The following PCDHA3 variants were observed in gnomAD, a reference collection of about 807,000 sequenced individuals.
PCDHA3 encodes the protein protocadherin alpha 3.
In PCDHA3, 41 loss-of-function variants were observed where a neutral mutation model predicts 62.2. That is an observed-to-expected ratio of 0.66 (90% CI 0.51 to 0.86). The LOEUF is 0.86. PCDHA3 is among the 40% of genes least tolerant of loss of function. The pLI, the probability that PCDHA3 is intolerant of heterozygous loss-of-function variation, is 0.00. For missense variants in PCDHA3, 1,304 were observed against 1,241.2 expected, an observed-to-expected ratio of 1.05 and a Z score of -0.76; for synonymous variants, 640 against 555.4, an observed-to-expected ratio of 1.15 and a Z score of -2.14.
At chr5:140,910,357 T>C (rs1394310433) in intron 1 of PCDHA3, among the ~76,000 whole-genome samples, 3 of 152,226 alleles carry the variant, frequency 2.0e-5, no homozygotes, top group African/African-American at 7.2e-5. Flanking sequence ...CTGTCCATTA[T>C]GGTAGCTATG....
At chr5:140,870,456 G>A (rs782212198) in intron 1 of PCDHA3, 15 of 1,614,110 alleles carry the variant, frequency 9.3e-6, no homozygotes, top group South Asian at 5.5e-5. Flanking sequence ...ACGACAATGC[G>A]CCTGCGTTCG....
intron 1 of PCDHA3, chr5:140,928,095 G>A (rs782045221): frequency 6.2e-7 from 1 of 1,614,190 alleles, no homozygotes; most frequent in African/African-American, 1.3e-5. Flanking sequence ...TGATTGATGG[G>A]CCCCTGGACC....
intron 1 of PCDHA3, among the ~76,000 whole-genome samples, chr5:140,904,121 T>G (rs1554191284): frequency 6.6e-6 from 1 of 152,194 alleles, no homozygotes; most frequent in Non-Finnish European, 1.5e-5. Flanking sequence ...GAGATTTTGG[T>G]GCACCCATCA....
chr5:141,000,345 C>A (rs1395527046), intron 3 of PCDHA3, among the ~76,000 whole-genome samples: 7 of 116,650 alleles, frequency 6.0e-5, no homozygotes, highest in African/African-American at 2.4e-4. Context: ...CCCTATCTCT[C>A]TCTCTGTCTC....
intron 1 of PCDHA3, among the ~76,000 whole-genome samples, chr5:140,873,086 C>A (rs984385666): frequency 1.3e-5 from 2 of 152,240 alleles, no homozygotes; most frequent in African/African-American, 2.4e-5. Flanking sequence ...ATTTCCCCCC[C>A]GTATAGAGGC....
intron 3 of PCDHA3, among the ~76,000 whole-genome samples, chr5:140,985,892 A>G (rs2097176300): frequency 1.3e-5 from 2 of 151,830 alleles, no homozygotes; most frequent in Non-Finnish European, 2.9e-5. Flanking sequence ...GGCGCCCGCC[A>G]CCACTCCCGT....
chr5:140,822,446 C>T, intron 1 of PCDHA3: 1 of 1,613,574 alleles, frequency 6.2e-7, no homozygotes. Flanking sequence ...CTAACAGGTA[C>T]AGTTCAGTTG....
intron 1 of PCDHA3, among the ~76,000 whole-genome samples, chr5:140,971,541 G>A (rs544682624): frequency 6.6e-6 from 1 of 152,172 alleles, no homozygotes; most frequent in Non-Finnish European, 1.5e-5. Context: ...ATCATTGCCA[G>A]ATCAACCTGT....
At chr5:140,954,149 G>A (rs1301810560) in intron 1 of PCDHA3, among the ~76,000 whole-genome samples, 2 of 152,204 alleles carry the variant, frequency 1.3e-5, no homozygotes, top group Non-Finnish European at 2.9e-5. Flanking sequence ...ATTCCATGGT[G>A]TATATGTACC....
chr5:140,830,218 C>A, intron 1 of PCDHA3: 2 of 1,613,882 alleles, frequency 1.2e-6, no homozygotes, highest in Non-Finnish European at 1.7e-6. Context: ...CGGTATCCAG[C>A]CTGCTGGTCC....
chr5:140,854,975 ATT>A (rs1554147536), intron 1 of PCDHA3, among the ~76,000 whole-genome samples: 1 of 149,964 alleles, frequency 6.7e-6, no homozygotes, highest in Non-Finnish European at 1.5e-5. Context: ...CAGAATTATA[ATT>A]AAGATTCTTT....
In PCDHA3 at chr5:140,852,902, A is replaced by ATG. The variant is rs1554146177; in HGVS notation, c.2394+49311_2394+49312insTG. The stretch of plus-strand genomic sequence containing the variant: ...TAAAACGTATTTTTTTTTTTGAGTC[A>ATG]GAGTCTCGCTCTGTTGCCCAGGCTG... On this transcript the variant is annotated intron_variant, in intron 1 of 3. Transcript: ENST00000522353. 5.3e-4 allele frequency: 438 copies of ATG among 830,724 alleles called. 11 individuals carry two copies. In the South Asian group the frequency reaches 0.021, roughly 39 times the overall value. 51.5% of individuals were successfully genotyped at this position (830,724 alleles called of 1,614,324 possible).
Position 140,857,291 on chromosome 5 carries a change from G to A in PCDHA3, c.2394+53700G>A. 7 of 1,598,730 alleles carry A rather than the reference G, an allele frequency of 4.4e-6. 1 individual carries two copies. Among genetic ancestry groups the A allele is most frequent in the East Asian group, 4.5e-5 (2 of 44,850 alleles). On this transcript the variant is annotated intron_variant, in intron 1 of 3. Transcript: ENST00000522353. ...GGTGCTGGACAGCGCTCTGGACCGC[G>A]AGAGGGTGTCGGCCTATGAGCTGGT...
At chr5:140,983,226 T>C (rs892083218) in intron 3 of PCDHA3, among the ~76,000 whole-genome samples, 1 of 152,216 alleles carries the variant, frequency 6.6e-6, no homozygotes, top group Non-Finnish European at 1.5e-5. Context: ...ATCCAAACTT[T>C]CAGGAAAGAG....
chr5:140,898,965 G>T (rs2067069000), intron 1 of PCDHA3, among the ~76,000 whole-genome samples: 1 of 152,044 alleles, frequency 6.6e-6, no homozygotes, highest in Non-Finnish European at 1.5e-5. Flanking sequence ...GTGAATGGGA[G>T]TTCACTCATG....
intron 1 of PCDHA3, among the ~76,000 whole-genome samples, chr5:140,938,974 G>T (rs534312375): frequency 6.6e-6 from 1 of 152,230 alleles, no homozygotes; most frequent in Non-Finnish European, 1.5e-5. Context: ...TGGCATCAAG[G>T]CTATCCTGGC....
At chr5:140,949,603 A>G (rs1218724530) in intron 1 of PCDHA3, among the ~76,000 whole-genome samples, 3 of 151,662 alleles carry the variant, frequency 2.0e-5, no homozygotes, top group Non-Finnish European at 4.4e-5. Flanking sequence ...TGGCCATTCT[A>G]GTCTCATGTT....
chr5:140,806,258 A>G (rs570668849), intron 1 of PCDHA3, among the ~76,000 whole-genome samples: 1 of 152,350 alleles, frequency 6.6e-6, no homozygotes, highest in South Asian at 2.1e-4. Context: ...TATTGGAAGC[A>G]GGAAATATTC....
At position 141,010,191 on chromosome 5, in the gene PCDHA3, C is replaced by T; in HGVS notation, c.*254C>T. 1 of 1,552,476 alleles carries T rather than the reference C, an allele frequency of 6.4e-7. No homozygotes were observed. The highest frequency in any genetic ancestry group is 1.4e-5 in the African/African-American group (1 of 73,166). ...AACCTAAAAAGCAGACCCAAGTTTCCTTTCTCCTCCGCCGCAAAGGAGAGG... is the reference window on the plus strand; with the variant it reads ...AACCTAAAAAGCAGACCCAAGTTTCTTTTCTCCTCCGCCGCAAAGGAGAGG... On this transcript the variant is annotated 3_prime_UTR_variant, in exon 4 of 4. Transcript: ENST00000522353.
Sources: allele counts gnomAD v4.1 joint callset (sites outside exome capture counted in the v4.1 genomes callset), GRCh38; gene constraint gnomAD v4.1.1; transcripts MANE v1.5; gene names NCBI Gene and HGNC (gene_info 2026-07-23, HGNC 2026-07-21).